Variants in SCARB1 observed in about 807,000 individuals in gnomAD.
SCARB1 encodes the protein scavenger receptor class B member 1.
A neutral mutation model predicts 57.2 loss-of-function variants in SCARB1; 30 were observed. The observed-to-expected ratio is 0.52, with a 90% CI of 0.39 to 0.71. SCARB1 has a LOEUF of 0.71. SCARB1 is among the 30% of genes least tolerant of loss of function. The probability of loss-of-function intolerance (pLI) is 0.00; values close to 1 mark genes in which losing one functional copy is unlikely to be tolerated. For missense variants in SCARB1, 543 were observed against 671.2 expected (o/e 0.81, Z 2.11); for synonymous variants, 249 against 268.3 (o/e 0.93, Z 0.70).
chr12:124,805,943 A>G (rs994201606), intron 7 of SCARB1, among the ~76,000 whole-genome samples: 1 of 152,074 alleles, frequency 6.6e-6, no homozygotes, highest in African/African-American at 2.4e-5. Flanking sequence ...AATGTTCTCT[A>G]TCTGTGCTAT....
chr12:124,823,729 G>A (rs777222985), intron 1 of SCARB1, among the ~76,000 whole-genome samples: 2 of 152,170 alleles, frequency 1.3e-5, no homozygotes, highest in Admixed American at 6.5e-5. Flanking sequence ...CCAAGAGTCC[G>A]TCAACAGATG....
At chr12:124,857,482 G>C (rs1026675949) in intron 1 of SCARB1, among the ~76,000 whole-genome samples, 8 of 152,300 alleles carry the variant, frequency 5.3e-5, no homozygotes, top group Non-Finnish European at 2.9e-5. Flanking sequence ...TGTGGCTCTG[G>C]CTGAGGGAGG....
chr12:124,853,637 C>T (rs923889572), intron 1 of SCARB1, among the ~76,000 whole-genome samples: 1 of 152,122 alleles, frequency 6.6e-6, no homozygotes, highest in Admixed American at 6.5e-5. Context: ...TCAGGTGACC[C>T]ACCCACTTCG....
chr12:124,787,168 T>C (rs1489733492), intron 10 of SCARB1, among the ~76,000 whole-genome samples: 1 of 152,238 alleles, frequency 6.6e-6, no homozygotes, highest in African/African-American at 2.4e-5. Flanking sequence ...CCAGGGACTT[T>C]ACCTCTTCAT....
rs1950648026 is a variant in SCARB1 at position 124,814,959 on chromosome 12, C to T, written c.426+14G>A. 1.2e-6 allele frequency: 2 copies of T among 1,614,128 alleles called. No individual in the cohort carries two copies. The highest frequency in any genetic ancestry group is 4.5e-5 in the East Asian group (2 of 44,876). The stretch of plus-strand genomic sequence containing the variant: ...TCAGGGTGCGAGGCGGCGTGGGCCA[C>T]AGGGCAGCCTCACCAAGACCAGGAT... On this transcript the variant is annotated intron_variant, in intron 3 of 12. Coordinates refer to ENST00000261693, the MANE Select transcript of SCARB1 (RefSeq NM_005505.5). This position sits in a 1 kb window ranked among gnomAD's most constrained non-coding sequence, Gnocchi z 4.7.
rs529113980 is a variant in SCARB1, at chr12:124,862,395, G to A, written c.126+1200C>T. 5 of 152,316 alleles carry A rather than the reference G, an allele frequency of 3.3e-5. No individual in the cohort carries two copies. In the East Asian group the frequency reaches 9.7e-4, roughly 29 times the overall value. The allele number at this position is 152,316 out of a possible 1,614,324, so 9.4% of individuals were successfully genotyped here. On this transcript the variant is annotated intron_variant, in intron 1 of 12. Transcript: ENST00000261693. ...AACTGCTCACCCAGAGACCTTGAGAGAGACCATATGTTGCTCCATCTTTAA... is the reference window on the plus strand; with the variant it reads ...AACTGCTCACCCAGAGACCTTGAGAAAGACCATATGTTGCTCCATCTTTAA...
chr12:124,847,937 A>AAAAGC (rs1952230603), intron 1 of SCARB1, among the ~76,000 whole-genome samples: 1 of 152,206 alleles, frequency 6.6e-6, no homozygotes, highest in Non-Finnish European at 1.5e-5. Flanking sequence ...ATCAAGGGCC[A>AAAAGC]TCCTGCCAAA....
intron 2 of SCARB1, among the ~76,000 whole-genome samples, chr12:124,815,784 T>G (rs544422530): frequency 5.9e-5 from 9 of 152,264 alleles, no homozygotes; most frequent in African/African-American, 1.7e-4. Flanking sequence ...GAGAATCGCT[T>G]GAACCTGGGG....
At chr12:124,862,459 T>C (rs1308328339) in intron 1 of SCARB1, 3 of 152,326 alleles carry the variant, frequency 2.0e-5, no homozygotes, top group Non-Finnish European at 4.4e-5. Context: ...GGCAGCCAGA[T>C]CTAAGCAGAT....
At chr12:124,843,917 C>T (rs1952021478) in intron 1 of SCARB1, among the ~76,000 whole-genome samples, 1 of 152,158 alleles carries the variant, frequency 6.6e-6, no homozygotes, top group Non-Finnish European at 1.5e-5. Context: ...CAGACATTCT[C>T]GAAGACTAAA....
chr12:124,820,466 G>A (rs935844012), intron 1 of SCARB1, among the ~76,000 whole-genome samples: 1 of 151,862 alleles, frequency 6.6e-6, no homozygotes, highest in African/African-American at 2.4e-5. Context: ...ACCCCATGGC[G>A]GCTCCCACCA....
intron 1 of SCARB1, among the ~76,000 whole-genome samples, chr12:124,860,365 C>G (rs1952842376): frequency 6.6e-6 from 1 of 152,244 alleles, no homozygotes. Context: ...CATCTTCACC[C>G]CAGCTCATCA....
Position 124,800,240 on chromosome 12 carries a change from C to T in SCARB1, c.1012G>A (p.Ala338Thr). ...TGAGGATGGGAGAGAAACAAGGGGG[C>T]ACCTAGAAGAGGGGCAGGGAGGGGA... is the stretch of plus-strand genomic sequence containing the variant. ...IQNVSTCRFS[A>T]PLFLSHPHFL... The change falls in exon 8 of 13, where the codon GCC becomes ACC. Residue 338 changes from alanine to threonine, a missense_variant and splice_region_variant. Transcript: ENST00000261693. This position sits in a 1 kb window ranked among gnomAD's most constrained non-coding sequence, Gnocchi z 4.8. 6.2e-7 allele frequency: 1 copy of T among 1,610,134 alleles called. No individual in the cohort carries two copies. The highest frequency in any genetic ancestry group is 8.5e-7 in the Non-Finnish European group (1 of 1,176,556).
chr12:124,786,746 T>G (rs1949536846), intron 10 of SCARB1, among the ~76,000 whole-genome samples: 1 of 152,012 alleles, frequency 6.6e-6, no homozygotes, highest in Non-Finnish European at 1.5e-5. Flanking sequence ...CAATGGGAGG[T>G]GGACCTGGCC....
chr12:124,850,231 G>A (rs1286990400), intron 1 of SCARB1, among the ~76,000 whole-genome samples: 1 of 151,634 alleles, frequency 6.6e-6, no homozygotes, highest in Admixed American at 6.6e-5. Context: ...AAATTAGCCG[G>A]GTGTAGTGGT....
intron 1 of SCARB1, among the ~76,000 whole-genome samples, chr12:124,858,569 G>A (rs1281762721): frequency 1.3e-5 from 2 of 152,076 alleles, no homozygotes; most frequent in South Asian, 2.1e-4. Flanking sequence ...CTGTTCATTC[G>A]TAATTTTTTT....
rs188209437 is a variant in SCARB1, at chr12:124,851,636, G to A, written c.126+11959C>T. 7.1e-4 allele frequency among the ~76,000 whole-genome samples: 102 copies of A among 144,196 alleles called. 1 individual carries two copies. Among genetic ancestry groups the A allele is most frequent in the African/African-American group, 2.6e-3 (100 of 38,268 alleles). The allele number at this position is 144,196 out of a possible 152,430, so 94.6% of individuals were successfully genotyped here. ...TTTTTTTTTTTTTTTTTGAGATGGA[G>A]TCTCACTGTCACCTAGGCTGAAGTG... On this transcript the variant is annotated intron_variant, in intron 1 of 12. Coordinates refer to ENST00000261693, the MANE Select transcript of SCARB1 (RefSeq NM_005505.5).
chr12:124,811,188 G>C (rs1006950481), intron 5 of SCARB1, among the ~76,000 whole-genome samples: 2 of 152,304 alleles, frequency 1.3e-5, no homozygotes, highest in East Asian at 3.9e-4. Flanking sequence ...TGATAATTGT[G>C]GGTTTCCTCT....
chr12:124,835,062 G>A (rs374505342), intron 1 of SCARB1, among the ~76,000 whole-genome samples: 7 of 152,090 alleles, frequency 4.6e-5, no homozygotes, highest in African/African-American at 1.7e-4. Context: ...GCCCTCCAGC[G>A]TCCAGACTCC....
Sources: allele counts gnomAD v4.1 joint callset (sites outside exome capture counted in the v4.1 genomes callset), GRCh38; gene constraint gnomAD v4.1.1; non-coding constraint Gnocchi (gnomAD v3.1); transcripts MANE v1.5; gene names NCBI Gene and HGNC (gene_info 2026-07-23, HGNC 2026-07-21).